Variants in ZNFX1 observed in about 807,000 individuals in gnomAD.
ZNFX1 encodes the protein zinc finger NFX1-type containing 1.
In ZNFX1, 78 loss-of-function variants were observed where a neutral mutation model predicts 179.8. The ratio of observed to expected loss-of-function variants is 0.43; its 90% CI spans 0.36 to 0.52. The LOEUF (loss-of-function observed/expected upper bound fraction) is 0.52, where lower values mean the gene tolerates loss of function less well. ZNFX1 is among the 20% of genes least tolerant of loss of function. The pLI is 0.00. For missense variants in ZNFX1, 1,927 were observed against 2,386.6 expected (o/e 0.81, Z 4.01); for synonymous variants, 848 against 868.5 (o/e 0.98, Z 0.42).
chr20:49,266,537 A>C (rs1981236724), intron 3 of ZNFX1, among the ~76,000 whole-genome samples: 2 of 152,106 alleles, frequency 1.3e-5, no homozygotes, highest in Non-Finnish European at 2.9e-5. Context: ...TTCTTTTTCT[A>C]GACTTCCCCT....
At chr20:49,275,055 G>A (rs549509987) in intron 2 of ZNFX1, among the ~76,000 whole-genome samples, 170 of 151,774 alleles carry the variant, frequency 1.1e-3, no homozygotes, top group African/African-American at 2.4e-3. Context: ...CCCGGGAGGC[G>A]GAGCTTGCAG....
In ZNFX1 at chr20:49,257,586, A is replaced by C; in HGVS notation, c.2495T>G (p.Ile832Ser). 1.9e-6 allele frequency: 3 copies of C among 1,613,844 alleles called. No individual in the cohort carries two copies. The highest frequency in any genetic ancestry group is 2.5e-6 in the Non-Finnish European group (3 of 1,179,982). ...LIEIAEEADL[I>S]QADRVIEEEE... is the part of the protein sequence containing the mutation. ...CTCCTCAATCACCCGGTCTGCTTGA[A>C]TCAGGTCAGCTTCCTCTGCGATCTC... The change falls in exon 8 of 14, where the codon ATT becomes AGT. Residue 832 changes from isoleucine (I) to serine (S), a missense_variant. By Grantham distance (142) the Ile-to-Ser change is moderately radical (BLOSUM62 -2). Coordinates refer to ENST00000396105, the MANE Select transcript of ZNFX1 (RefSeq NM_021035.3).
At chr20:49,258,305 G>A (rs1429516465) in intron 7 of ZNFX1, among the ~76,000 whole-genome samples, 1 of 151,696 alleles carries the variant, frequency 6.6e-6, no homozygotes, top group Non-Finnish European at 1.5e-5. Flanking sequence ...ATGTTGGTCA[G>A]GCTGGTCTCG....
At chr20:49,261,809 CTAAT>C (rs1437749504) in intron 6 of ZNFX1, among the ~76,000 whole-genome samples, 1 of 151,826 alleles carries the variant, frequency 6.6e-6, no homozygotes, top group Admixed American at 6.6e-5. Context: ...CCATGCCCGG[CTAAT>C]TTTTTTATTT....
intron 2 of ZNFX1, among the ~76,000 whole-genome samples, chr20:49,273,885 A>G (rs1344663967): frequency 6.6e-6 from 1 of 152,184 alleles, no homozygotes; most frequent in Non-Finnish European, 1.5e-5. Context: ...AGCCAAGATC[A>G]TGCCATGGCA....
intron 13 of ZNFX1, 51 bp from the exon 14 acceptor site, chr20:49,249,762 T>C: frequency 2.6e-6 from 4 of 1,554,462 alleles, no homozygotes; most frequent in Non-Finnish European, 3.5e-6. Flanking sequence ...TGGCACTTGT[T>C]TTTTTCTTCC....
In ZNFX1 at chr20:49,247,737, G is replaced by A. The variant is rs1980715798; in HGVS notation, c.5287C>T (p.Leu1763Phe). The A allele has an allele frequency of 6.2e-7, 1 of 1,614,094 alleles. No individual in the cohort carries two copies. The highest frequency in any genetic ancestry group is 8.5e-7 in the Non-Finnish European group (1 of 1,180,056). Reference protein sequence around the residue: ...LSDLRSEIQRLTYLVNLLTRY... With the variant: ...LSDLRSEIQRFTYLVNLLTRY... ...GTCAGAAGGTTCACCAGGTATGTGAGCCTCTGGATTTCACTTCGGAGGTCA... is the reference window on the plus strand; with the variant it reads ...GTCAGAAGGTTCACCAGGTATGTGAACCTCTGGATTTCACTTCGGAGGTCA... Residue 1763 changes from leucine to phenylalanine, a missense_variant, in exon 14 of 14, where the codon CTC becomes TTC. Leu to Phe is a conservative substitution (Grantham distance 22, BLOSUM62 0). Coordinates refer to ENST00000396105, the MANE Select transcript of ZNFX1 (RefSeq NM_021035.3).
chr20:49,262,815 CA>C (rs1981146772), intron 6 of ZNFX1, among the ~76,000 whole-genome samples: 1 of 152,194 alleles, frequency 6.6e-6, no homozygotes, highest in African/African-American at 2.4e-5. Flanking sequence ...CCAAGTCACA[CA>C]GTCAGTCTGC....
intron 4 of ZNFX1, 58 bp downstream of exon 4, chr20:49,266,077 T>C (rs1321342215): frequency 6.4e-7 from 1 of 1,574,110 alleles, no homozygotes; most frequent in Non-Finnish European, 8.6e-7. Context: ...CTACTGAAGT[T>C]GCTGATGGTT....
In ZNFX1 at chr20:49,270,654, T is replaced by A. The variant is rs1981359555; in HGVS notation, c.1158A>T (p.Glu386Asp). 6.2e-7 allele frequency: 1 copy of A among 1,614,056 alleles called. No individual in the cohort carries two copies. The highest frequency in any genetic ancestry group is 8.5e-7 in the Non-Finnish European group (1 of 1,180,048). ...LREDFVRPLR[E>D]GILELLQSFE... ...AGCTTTGGAGAAGTTCCAAAATACC[T>A]TCCCGTAAAGGTCTGACGAAATCTT... Residue 386 changes from glutamate (E) to aspartate (D), a missense_variant, in exon 3 of 14, where the codon GAA becomes GAT. Transcript: ENST00000396105. The surrounding 1 kb of genome is among the most constrained non-coding windows in gnomAD (Gnocchi z 4.6).
Position 49,248,594 on chromosome 20 carries a change from T to C in ZNFX1, c.4430A>G (p.Glu1477Gly). Residue 1477 changes from glutamate (E) to glycine (G), a missense_variant, in exon 14 of 14, where the codon GAA (glutamate) becomes GGA (glycine). Transcript: ENST00000396105. This position sits in a 1 kb window ranked among gnomAD's most constrained non-coding sequence, Gnocchi z 4.6. The part of the protein sequence containing the change: ...RLLICSHKCQ[E>G]PCIGECPPCQ... ...GGGTGGGCACTCACCAATGCATGGTTCCTGGCACTTGTGTGAGCAGATAAG... is the reference window on the plus strand; with the variant it reads ...GGGTGGGCACTCACCAATGCATGGTCCCTGGCACTTGTGTGAGCAGATAAG... 1.9e-6 allele frequency: 3 copies of C among 1,614,186 alleles called. No individual in the cohort carries two copies. Among genetic ancestry groups the C allele is most frequent in the Non-Finnish European group, 2.5e-6 (3 of 1,180,040 alleles).
intron 1 of ZNFX1, 145 bp downstream of exon 1, chr20:49,277,876 G>T (rs2146747472): frequency 6.5e-6 from 1 of 153,596 alleles, no homozygotes; most frequent in African/African-American, 2.4e-5. Flanking sequence ...AGGGGCCAGG[G>T]GCTCTGAGCG....
At chr20:49,265,855 G>A (rs565042065) in intron 4 of ZNFX1, among the ~76,000 whole-genome samples, 11 of 152,342 alleles carry the variant, frequency 7.2e-5, no homozygotes, top group African/African-American at 2.2e-4. Context: ...TCAAGATGGA[G>A]AGGGAAAAAA....
chr20:49,246,679 CCTA>C lies in ZNFX1; in HGVS notation c.*585_*587del. Reference sequence around the variant, plus strand: ...AGACCCAGAGATACCACTAGGTGGCCCTAGGTGGAAGCCCCAAACATGTTCCAG... The same window carrying C: ...AGACCCAGAGATACCACTAGGTGGCCGGTGGAAGCCCCAAACATGTTCCAG... On this transcript the variant is annotated 3_prime_UTR_variant, in exon 14 of 14. Transcript: ENST00000396105. 1 of 360,802 alleles carries C rather than the reference CCTA, an allele frequency of 2.8e-6. No homozygotes were observed. Among genetic ancestry groups the C allele is most frequent in the Non-Finnish European group, 5.4e-6 (1 of 184,016 alleles). 22.4% of individuals were successfully genotyped at this position (360,802 alleles called of 1,614,324 possible).
intron 2 of ZNFX1, among the ~76,000 whole-genome samples, chr20:49,275,069 G>A (rs1207797196): frequency 6.7e-6 from 1 of 149,680 alleles, no homozygotes; most frequent in Non-Finnish European, 1.5e-5. Flanking sequence ...CTTGCAGTGA[G>A]CAGAGATCGC....
rs2146737705 is a variant in ZNFX1 at position 49,264,832 on chromosome 20, G to A, written c.2035C>T (p.Arg679Trp). ...TCACTGTTGCTCCTTCCACCCACCC[G>A]CACAATGCTGGTCTTCTGACAATTG... ...IYNCQKTSIVRVGGRSNSEIL... is the reference protein window; with the variant it reads ...IYNCQKTSIVWVGGRSNSEIL... The change falls in exon 5 of 14, where the codon CGG (arginine) becomes TGG (tryptophan). Residue 679 changes from arginine to tryptophan, a missense_variant. By Grantham distance (101) the Arg-to-Trp change is moderately radical. Transcript: ENST00000396105. 5.0e-6 allele frequency: 8 copies of A among 1,614,152 alleles called. No homozygotes were observed. The highest frequency in any genetic ancestry group is 5.9e-6 in the Non-Finnish European group (7 of 1,180,028).
chr20:49,274,506 C>CG (rs1981502587), intron 2 of ZNFX1, among the ~76,000 whole-genome samples: 1 of 152,172 alleles, frequency 6.6e-6, no homozygotes, highest in South Asian at 2.1e-4. Flanking sequence ...GCCTGTAATG[C>CG]TAGCACTTTG....
At position 49,275,815 on chromosome 20, in the gene ZNFX1, C is replaced by G. The variant is rs1179963755; in HGVS notation, c.25G>C (p.Asp9His). The change falls in exon 2 of 14, where the codon GAT (aspartate) becomes CAT (histidine). Residue 9 changes from aspartate to histidine, a missense_variant. Coordinates refer to ENST00000396105, the MANE Select transcript of ZNFX1 (RefSeq NM_021035.3). MEERRPHL[D>H]ARPRNSHTNH... ...GTATGGGAATTCCTGGGCCTGGCAT[C>G]CAGATGAGGTCTTCTCTCCTCCATG... 6.2e-7 allele frequency: 1 copy of G among 1,614,186 alleles called. No individual in the cohort carries two copies. The highest frequency in any genetic ancestry group is 8.5e-7 in the Non-Finnish European group (1 of 1,180,030).
Position 49,263,616 on chromosome 20 carries a change from A to T in ZNFX1, c.2152-133T>A, listed in dbSNP as rs559580105. 72 of 1,089,044 alleles carry T rather than the reference A, an allele frequency of 6.6e-5. No homozygotes were observed. In the South Asian group the frequency reaches 1.1e-3, roughly 16 times the overall value. 67.5% of individuals were successfully genotyped at this position (1,089,044 alleles called of 1,614,324 possible). A position where few individuals can be genotyped will look rare whatever the true frequency, so the allele number is the denominator to read the frequency against. On this transcript the variant is annotated intron_variant, in intron 5 of 13. Coordinates refer to ENST00000396105, the MANE Select transcript of ZNFX1 (RefSeq NM_021035.3). Reference sequence around the variant, plus strand: ...AATAAATAAATAGACTGGTCAACAAACCAATTTCCCAAGGCACATTATTGT... The same window carrying T: ...AATAAATAAATAGACTGGTCAACAATCCAATTTCCCAAGGCACATTATTGT...
Sources: allele counts gnomAD v4.1 joint callset (sites outside exome capture counted in the v4.1 genomes callset), GRCh38; gene constraint gnomAD v4.1.1; non-coding constraint Gnocchi (gnomAD v3.1); transcripts MANE v1.5; gene names NCBI Gene and HGNC (gene_info 2026-07-23, HGNC 2026-07-21).